PTGR1: variants seen among roughly 807,000 people sequenced by gnomAD.
The protein encoded by PTGR1 is 15-oxoprostaglandin 13-reductase.
A neutral mutation model predicts 37.7 loss-of-function variants in PTGR1; 23 were observed. That is an observed-to-expected ratio of 0.61 (90% CI 0.44 to 0.86). PTGR1 has a LOEUF of 0.86. PTGR1 is among the 40% of genes least tolerant of loss of function. The pLI is 0.00. For synonymous variants in PTGR1, 134 were observed against 140.0 expected, an observed-to-expected ratio of 0.96 and a Z score of 0.30; for missense variants, 351 against 394.3, an observed-to-expected ratio of 0.89 and a Z score of 0.93.
At chr9:111,559,306 G>A (rs1828208833), downstream of PTGR1, among the ~76,000 whole-genome samples, 1 of 151,984 alleles carries the variant, frequency 6.6e-6, no homozygotes, top group Non-Finnish European at 1.5e-5. Flanking sequence ...GCTGCCCCCA[G>A]GCACGATGCC....
rs746833336 is a variant in PTGR1, at chr9:111,578,959, G to GGAA, written c.496-9_496-8insTTC. 8.0e-6 allele frequency: 10 copies of GGAA among 1,247,194 alleles called. No individual in the cohort carries two copies. Among genetic ancestry groups the GGAA allele is most frequent in the Admixed American group, 3.3e-5 (1 of 30,574 alleles). The allele number at this position is 1,247,194 out of a possible 1,614,324, so 77.3% of individuals were successfully genotyped here. On this transcript the variant is annotated splice_polypyrimidine_tract_variant and intron_variant, in intron 6 of 9. Transcript: ENST00000407693. ...TCCAACAACTTTGCAGCCCTAAGTAGAAAAAAAAAAAAAAAGGAAACCATG... is the reference window on the plus strand; with the variant it reads ...TCCAACAACTTTGCAGCCCTAAGTAGGAAAAAAAAAAAAAAAAAGGAAACCATG...
chr9:111,564,277 T>G, intron 9 of PTGR1: 1 of 485,732 alleles, frequency 2.1e-6, no homozygotes, highest in Non-Finnish European at 2.8e-6. Context: ...AATTTAAACT[T>G]TTATTATTAT....
intron 4 of PTGR1, among the ~76,000 whole-genome samples, chr9:111,590,918 T>C (rs117424457): frequency 0.027 from 4,121 of 151,464 alleles, 76 homozygotes; most frequent in East Asian, 0.05. Context: ...GTAGGTGGTA[T>C]ATTCATATAC....
At position 111,578,815 on chromosome 9, in the gene PTGR1, T is replaced by A; in HGVS notation, c.632A>T (p.Tyr211Phe). 6.2e-7 allele frequency: 1 copy of A among 1,603,994 alleles called. No individual in the cohort carries two copies. Among genetic ancestry groups the A allele is most frequent in the South Asian group, 1.1e-5 (1 of 89,194 alleles). Residue 211 changes from tyrosine to phenylalanine, a missense_variant, in exon 7 of 10, where the codon TAT becomes TTT. By Grantham distance (22) the Tyr-to-Phe change is conservative. Transcript: ENST00000407693. ...ETLKKASPDG[Y>F]DCYFDNVGGE... The stretch of plus-strand genomic sequence containing the variant: ...ACTTACATTATCAAAATAACAATCA[T>A]AACCATCAGGAGACGCTTTCTTCAA...
chr9:111,596,682 A>G (rs1829791498), intron 2 of PTGR1, among the ~76,000 whole-genome samples: 1 of 151,964 alleles, frequency 6.6e-6, no homozygotes, highest in Admixed American at 6.6e-5. Context: ...GAATTGCTTG[A>G]ACCTGGGAGG....
At chr9:111,564,549 G>T (rs1041071097) in intron 9 of PTGR1, among the ~76,000 whole-genome samples, 1 of 151,426 alleles carries the variant, frequency 6.6e-6, no homozygotes. Context: ...CAAGTGATCC[G>T]CCCACCTCAG....
At chr9:111,589,268 T>C (rs965482738) in intron 4 of PTGR1, 8 of 419,184 alleles carry the variant, frequency 1.9e-5, no homozygotes, top group Non-Finnish European at 2.2e-5. Flanking sequence ...GCATACCTTG[T>C]GTTTGGAGAG....
chr9:111,572,790 T>G lies in PTGR1; in HGVS notation c.760+1944A>C, dbSNP rs1384312339. Among the ~76,000 whole-genome samples, 7 of 141,260 alleles carry G rather than the reference T, an allele frequency of 5.0e-5. 1 individual carries two copies. The highest frequency in any genetic ancestry group is 2.1e-4 in the East Asian group (1 of 4,736). The allele number at this position is 141,260 out of a possible 152,430, so 92.7% of individuals were successfully genotyped here. On this transcript the variant is annotated intron_variant, in intron 8 of 9. Transcript: ENST00000407693. Reference sequence around the variant, plus strand: ...AAAAAAAAAAAAAAAATTAAAAAATTAAAAAAAAAATCTCCAGTCTGGGAA... The same window carrying G: ...AAAAAAAAAAAAAAAATTAAAAAATGAAAAAAAAAATCTCCAGTCTGGGAA...
At chr9:111,564,175 T>A in intron 9 of PTGR1, 1 of 1,001,534 alleles carries the variant, frequency 1.0e-6, no homozygotes, top group Non-Finnish European at 1.2e-6. Context: ...AGTTTTTCGC[T>A]AATGTATTCC....
chr9:111,585,017 C>A (rs1338624980), intron 5 of PTGR1, among the ~76,000 whole-genome samples: 1 of 151,834 alleles, frequency 6.6e-6, no homozygotes. Flanking sequence ...AAGCCACTTG[C>A]AGAATTTCAG....
chr9:111,587,980 T>G (rs1829488781), intron 4 of PTGR1, among the ~76,000 whole-genome samples: 1 of 151,712 alleles, frequency 6.6e-6, no homozygotes, highest in Admixed American at 6.6e-5. Context: ...AGGAAATATA[T>G]TTTAATTAAT....
Position 111,578,870 on chromosome 9 carries a change from A to G in PTGR1, c.577T>C (p.Tyr193His), listed in dbSNP as rs1829173129. Reference sequence around the variant, plus strand: ...TCTTCCAAAGACTCTACCGTCTTGTAGTTAAAGACGACATCAAATCCAAGC... The same window carrying G: ...TCTTCCAAAGACTCTACCGTCTTGTGGTTAAAGACGACATCAAATCCAAGC... Reference protein sequence around the residue: ...QKLGFDVVFNYKTVESLEETL... With the variant: ...QKLGFDVVFNHKTVESLEETL... Residue 193 changes from tyrosine (Y) to histidine (H), a missense_variant, in exon 7 of 10, where the codon TAC (tyrosine) becomes CAC (histidine). Physicochemically the swap from Tyr to His is moderately conservative, Grantham distance 83. Transcript: ENST00000407693. 3 of 1,613,128 alleles carry G rather than the reference A, an allele frequency of 1.9e-6. No individual in the cohort carries two copies. The highest frequency in any genetic ancestry group is 2.5e-6 in the Non-Finnish European group (3 of 1,179,464).
At chr9:111,589,233 T>C (rs1403583155) in intron 4 of PTGR1, 5 of 231,672 alleles carry the variant, frequency 2.2e-5, no homozygotes, top group African/African-American at 7.0e-5. Flanking sequence ...TAATGGGATA[T>C]AAGACAAAAT....
intron 9 of PTGR1, among the ~76,000 whole-genome samples, chr9:111,568,704 C>T (rs10980951): frequency 0.28 from 43,015 of 152,108 alleles, 7,359 homozygotes; most frequent in Non-Finnish European, 0.4. Context: ...TATGTGGTGT[C>T]GCCCCCAGCA....
At chr9:111,567,213 G>C (rs927241384) in intron 9 of PTGR1, among the ~76,000 whole-genome samples, 3 of 152,112 alleles carry the variant, frequency 2.0e-5, no homozygotes, top group African/African-American at 7.2e-5. Context: ...TTTTGAGATG[G>C]AGTTGTACTC....
chr9:111,563,995 T>C (rs10739316), intron 9 of PTGR1: 119,762 of 162,428 alleles, frequency 0.74, 45,128 homozygotes, highest in African/African-American at 0.88. Flanking sequence ...AAGGTTCTTT[T>C]AACATGTGTT....
intron 6 of PTGR1, among the ~76,000 whole-genome samples, chr9:111,580,105 G>A (rs1365555894): frequency 6.6e-6 from 1 of 152,060 alleles, no homozygotes; most frequent in African/African-American, 2.4e-5. Flanking sequence ...ACTATCATAG[G>A]ATGATCTCTT....
Position 111,583,523 on chromosome 9 carries a change from A to G in PTGR1, c.444T>C (p.Asn148=), listed in dbSNP as rs1310970453. The G allele has an allele frequency of 4.3e-6, 7 of 1,614,082 alleles. No homozygotes were observed. Among genetic ancestry groups the G allele is most frequent in the Non-Finnish European group, 5.9e-6 (7 of 1,180,002 alleles). The change falls in exon 6 of 10, where the codon AAT becomes AAC. Residue 148 remains asparagine (N), a synonymous_variant. Transcript: ENST00000407693. ...GVKGGETVMV[N]AAAGAVGSVV... is the part of the protein sequence containing the mutation. ...CTGAGCCCACAGCTCCAGCTGCTGC[A>G]TTAACCATCACTGTTTCTCCACCCT...
intron 9 of PTGR1, among the ~76,000 whole-genome samples, chr9:111,568,499 T>C (rs1465539236): frequency 6.6e-6 from 1 of 152,248 alleles, no homozygotes; most frequent in Non-Finnish European, 1.5e-5. Flanking sequence ...ACAGTGAACA[T>C]AGACCCTTAT....
Sources: allele counts gnomAD v4.1 joint callset (sites outside exome capture counted in the v4.1 genomes callset), GRCh38; gene constraint gnomAD v4.1.1; transcripts MANE v1.5; gene names NCBI Gene and HGNC (gene_info 2026-07-23, HGNC 2026-07-21).